The following DOCK10 variants were observed in gnomAD, a reference collection of about 807,000 sequenced individuals.
DOCK10 encodes the protein dedicator of cytokinesis 10.
A neutral mutation model predicts 280.1 loss-of-function variants in DOCK10; 145 were observed. The observed-to-expected ratio is 0.52, with a 90% CI of 0.45 to 0.59. The LOEUF (loss-of-function observed/expected upper bound fraction) is 0.59, where lower values mean the gene tolerates loss of function less well. Ranked by LOEUF, DOCK10 falls within the 20% of genes least tolerant of loss-of-function variation. The pLI is 0.00. For synonymous variants in DOCK10, 915 were observed against 942.2 expected, an observed-to-expected ratio of 0.97 and a Z score of 0.53; for missense variants, 2,368 against 2,651.7, an observed-to-expected ratio of 0.89 and a Z score of 2.35.
intron 33 of DOCK10, chr2:224,807,353 A>T (rs1693458294): frequency 4.5e-6 from 1 of 219,992 alleles, no homozygotes; most frequent in African/African-American, 2.3e-5. Flanking sequence ...GGGAATGTAG[A>T]AAGTGGTAGG....
intron 1 of DOCK10, among the ~76,000 whole-genome samples, chr2:224,940,893 T>C (rs1291261601): frequency 6.6e-6 from 1 of 152,196 alleles, no homozygotes; most frequent in Non-Finnish European, 1.5e-5. Flanking sequence ...TGTTGTATAT[T>C]ATAGGGGTTT....
Position 224,789,867 on chromosome 2 carries a change from G to A in DOCK10, c.5312-697C>T, listed in dbSNP as rs558848559. On this transcript the variant is annotated intron_variant, in intron 47 of 55. Coordinates refer to ENST00000258390, the MANE Select transcript of DOCK10 (RefSeq NM_014689.3). ...GCCATCTCGGCTCACTGCAACCTCCGCCTCCCGGGTTCAAGCGATTCTCCT... is the reference window on the plus strand; with the variant it reads ...GCCATCTCGGCTCACTGCAACCTCCACCTCCCGGGTTCAAGCGATTCTCCT... Among the ~76,000 whole-genome samples the A allele has an allele frequency of 5.3e-5, 8 of 151,588 alleles. No individual in the cohort carries two copies. The East Asian group carries it at 1.2e-3, about 22-fold the overall frequency.
intron 27 of DOCK10, among the ~76,000 whole-genome samples, chr2:224,828,403 G>C (rs1695005209): frequency 6.6e-6 from 1 of 152,188 alleles, no homozygotes; most frequent in Admixed American, 6.5e-5. Flanking sequence ...CCTACTTTAA[G>C]CAAAGTCGAA....
At chr2:224,846,942 T>A (rs543935015) in intron 19 of DOCK10, among the ~76,000 whole-genome samples, 1 of 152,344 alleles carries the variant, frequency 6.6e-6, no homozygotes, top group South Asian at 2.1e-4. Context: ...AGACAATTCA[T>A]ATGCACATTG....
At chr2:224,943,974 A>G (rs926707992) in intron 1 of DOCK10, among the ~76,000 whole-genome samples, 1 of 152,146 alleles carries the variant, frequency 6.6e-6, no homozygotes, top group African/African-American at 2.4e-5. Context: ...CGTGTTAGTC[A>G]GGATGGTCTC....
intron 7 of DOCK10, among the ~76,000 whole-genome samples, chr2:224,879,898 T>A (rs1283918962): frequency 6.6e-6 from 1 of 152,168 alleles, no homozygotes; most frequent in African/African-American, 2.4e-5. Flanking sequence ...CTCAGTGTTA[T>A]CTTGAAAACA....
chr2:224,871,295 A>C (rs1346801616), intron 11 of DOCK10, among the ~76,000 whole-genome samples: 1 of 151,922 alleles, frequency 6.6e-6, no homozygotes, highest in African/African-American at 2.4e-5. Context: ...CGTCCAAAAC[A>C]AAAACCAGTA....
rs192359776 is a variant in DOCK10 at position 224,838,556 on chromosome 2, C to A, written c.2781-725G>T. Among the ~76,000 whole-genome samples, 8 of 152,150 alleles carry A rather than the reference C, an allele frequency of 5.3e-5. No individual in the cohort carries two copies. The East Asian group carries it at 1.4e-3, about 26-fold the overall frequency. ...ACAGCTGGGGACTTTTGATGCAGGTCCAGAACTGGATGGTTGTGAAGCCAT... is the reference window on the plus strand; with the variant it reads ...ACAGCTGGGGACTTTTGATGCAGGTACAGAACTGGATGGTTGTGAAGCCAT... On this transcript the variant is annotated intron_variant, in intron 24 of 55. Transcript: ENST00000258390.
At chr2:224,909,495 T>C (rs1374733161) in intron 3 of DOCK10, among the ~76,000 whole-genome samples, 1 of 152,194 alleles carries the variant, frequency 6.6e-6, no homozygotes, top group Admixed American at 6.5e-5. Flanking sequence ...AAATGAAGGA[T>C]ACGTTCCCTT....
intron 1 of DOCK10, among the ~76,000 whole-genome samples, chr2:225,025,938 T>A (rs1401033672): frequency 6.6e-6 from 1 of 152,086 alleles, no homozygotes; most frequent in Admixed American, 6.5e-5. Context: ...ACTAAATAAT[T>A]ACAATAAAAA....
At chr2:224,914,447 C>T (rs547851085) in intron 3 of DOCK10, among the ~76,000 whole-genome samples, 1 of 152,188 alleles carries the variant, frequency 6.6e-6, no homozygotes, top group African/African-American at 2.4e-5. Context: ...AATAATACAA[C>T]TTGAAGTAGA....
At chr2:224,816,487 T>A (rs915592530) in intron 30 of DOCK10, 130 bp downstream of exon 30, 6 of 657,384 alleles carry the variant, frequency 9.1e-6, no homozygotes, top group Non-Finnish European at 1.6e-5. Flanking sequence ...CTGGGTCTGA[T>A]ACCCATGTGA....
At chr2:224,822,569 A>T (rs1386091892) in intron 28 of DOCK10, among the ~76,000 whole-genome samples, 1 of 152,148 alleles carries the variant, frequency 6.6e-6, no homozygotes, top group Non-Finnish European at 1.5e-5. Flanking sequence ...TACAAAAAAT[A>T]CAAAAATTAG....
Position 224,886,056 on chromosome 2 carries a change from T to G in DOCK10, c.612+7A>C, listed in dbSNP as rs1408208674. 2 of 1,613,690 alleles carry G rather than the reference T, an allele frequency of 1.2e-6. No homozygotes were observed. Among genetic ancestry groups the G allele is most frequent in the African/African-American group, 1.3e-5 (1 of 74,894 alleles). Reference sequence around the variant, plus strand: ...AGAGATAAAGATGAGTCTTGATATCTCCTTACCCGAACAGTAACGGTGTTG... The same window carrying G: ...AGAGATAAAGATGAGTCTTGATATCGCCTTACCCGAACAGTAACGGTGTTG... On this transcript the variant is annotated splice_region_variant and intron_variant, in intron 6 of 55. Transcript: ENST00000258390.
At chr2:225,037,848 A>T (rs1276840569) in intron 1 of DOCK10, among the ~76,000 whole-genome samples, 1 of 152,186 alleles carries the variant, frequency 6.6e-6, no homozygotes, top group Non-Finnish European at 1.5e-5. Flanking sequence ...AGTTTTCTAG[A>T]ACCTACTTGT....
rs757125130 is a variant in DOCK10 at position 224,864,592 on chromosome 2, A to G, written c.1563T>C (p.Ser521=). The change falls in exon 13 of 56, where the codon AGT becomes AGC. Residue 521 remains serine (S), a synonymous_variant. Transcript: ENST00000258390. ...IEKVLMGNIA[S]GAEPYIKNPD... is the part of the protein sequence containing the mutation. Reference sequence around the variant, plus strand: ...GGTTCTTAATATAAGGTTCGGCACCACTTGCAATGTTTCCCATCAAGACTT... The same window carrying G: ...GGTTCTTAATATAAGGTTCGGCACCGCTTGCAATGTTTCCCATCAAGACTT... The G allele has an allele frequency of 5.0e-6, 8 of 1,613,132 alleles. No homozygotes were observed. The highest frequency in any genetic ancestry group is 5.1e-6 in the Non-Finnish European group (6 of 1,179,698).
At chr2:224,882,873 A>G (rs1699055596) in intron 7 of DOCK10, among the ~76,000 whole-genome samples, 1 of 152,212 alleles carries the variant, frequency 6.6e-6, no homozygotes. Flanking sequence ...CTCCAGATGT[A>G]AAAACTTACA....
chr2:224,863,492 G>C (rs1400250795), intron 13 of DOCK10, among the ~76,000 whole-genome samples: 1 of 151,432 alleles, frequency 6.6e-6, no homozygotes, highest in African/African-American at 2.4e-5. Context: ...TCTGTCGCCC[G>C]CCCAGGCTGG....
At chr2:225,006,086 T>C (rs1295200818) in intron 1 of DOCK10, among the ~76,000 whole-genome samples, 1 of 152,184 alleles carries the variant, frequency 6.6e-6, no homozygotes, top group Non-Finnish European at 1.5e-5. Context: ...TGAGGTAATT[T>C]TCTAGGCAGA....
Sources: allele counts gnomAD v4.1 joint callset (sites outside exome capture counted in the v4.1 genomes callset), GRCh38; gene constraint gnomAD v4.1.1; transcripts MANE v1.5; gene names NCBI Gene and HGNC (gene_info 2026-07-23, HGNC 2026-07-21).